The following ITPR3 variants were observed in gnomAD, a reference collection of about 807,000 sequenced individuals.
ITPR3 encodes inositol 1,4,5-trisphosphate receptor type 3.
A neutral mutation model predicts 293.2 loss-of-function variants in ITPR3; 173 were observed. That is an observed-to-expected ratio of 0.59 (90% CI 0.52 to 0.67). The LOEUF is 0.67. ITPR3 is among the 30% of genes least tolerant of loss of function. The pLI is 0.00. For synonymous variants in ITPR3, 1,295 were observed against 1,444.4 expected, an observed-to-expected ratio of 0.90 and a Z score of 2.35; for missense variants, 2,796 against 3,592.1, an observed-to-expected ratio of 0.78 and a Z score of 5.66.
chr6:33,695,239 G>T, intron 57 of ITPR3, 154 bp downstream of exon 57: 1 of 800,954 alleles, frequency 1.2e-6, no homozygotes, highest in Non-Finnish European at 1.9e-6. Context: ...TCCCCTGCAT[G>T]GCAAGTCAGA....
rs1765271897 is a variant in ITPR3 at position 33,687,662 on chromosome 6, A to G, written c.6264+98A>G. ...GGCCTGGAACAGAGTGAGGCCCTAG[A>G]ATATGAGCCAGGCTAGAATTTGGGG... On this transcript the variant is annotated intron_variant, in intron 46 of 57. Transcript: ENST00000605930. The surrounding 1 kb of genome is among the most constrained non-coding windows in gnomAD (Gnocchi z 5.3). The G allele has an allele frequency of 5.2e-6, 5 of 963,696 alleles. No homozygotes were observed. The highest frequency in any genetic ancestry group is 4.3e-5 in the Admixed American group (2 of 46,534). 59.7% of individuals were successfully genotyped at this position (963,696 alleles called of 1,614,324 possible).
chr6:33,650,567 C>T (rs77439508), intron 2 of ITPR3, among the ~76,000 whole-genome samples: 2,173 of 152,222 alleles, frequency 0.014, 52 homozygotes, highest in African/African-American at 0.048. Context: ...CAGCCATCAT[C>T]GACAGAAATG....
Position 33,662,694 on chromosome 6 carries a change from T to G in ITPR3, c.858+20T>G, listed in dbSNP as rs759786355. 3.1e-6 allele frequency: 5 copies of G among 1,603,284 alleles called. No individual in the cohort carries two copies. The South Asian group carries it at 4.4e-5, about 14-fold the overall frequency. On this transcript the variant is annotated intron_variant, in intron 8 of 57. Coordinates refer to ENST00000605930, the MANE Select transcript of ITPR3 (RefSeq NM_002224.4). ...GTGGAGGTCAGAAAAGCCCTGCTTC[T>G]GGCACCCCGGACTCAGCCTTGGATG...
At chr6:33,678,937 G>A (rs1764992867) in intron 30 of ITPR3, 98 bp downstream of exon 30, 3 of 1,210,406 alleles carry the variant, frequency 2.5e-6, no homozygotes, top group Non-Finnish European at 3.5e-6. Flanking sequence ...TCAGACGGTG[G>A]GTCACAAAAG....
chr6:33,635,865 CG>C (rs1763809399), intron 1 of ITPR3, among the ~76,000 whole-genome samples: 1 of 151,588 alleles, frequency 6.6e-6, no homozygotes, highest in African/African-American at 2.4e-5. Flanking sequence ...GGAGGAGATG[CG>C]ATCAGAGATG....
Position 33,667,561 on chromosome 6 carries a change from A to T in ITPR3, c.1714-231A>T, listed in dbSNP as rs1488175695. Reference sequence around the variant, plus strand: ...TTATGTAGCCAATCCTTCCACACAAACAAGGTCCCTGCCCTCGTGGAGGTT... The same window carrying T: ...TTATGTAGCCAATCCTTCCACACAATCAAGGTCCCTGCCCTCGTGGAGGTT... On this transcript the variant is annotated intron_variant, in intron 15 of 57. Coordinates refer to ENST00000605930, the MANE Select transcript of ITPR3 (RefSeq NM_002224.4). The surrounding 1 kb of genome is among the most constrained non-coding windows in gnomAD (Gnocchi z 4.4). Among the ~76,000 whole-genome samples the T allele has an allele frequency of 6.6e-6, 1 of 152,116 alleles. No homozygotes were observed. Among genetic ancestry groups the T allele is most frequent in the African/African-American group, 2.4e-5 (1 of 41,414 alleles).
intron 2 of ITPR3, among the ~76,000 whole-genome samples, chr6:33,640,829 C>T (rs1321886786): frequency 6.6e-6 from 1 of 152,260 alleles, no homozygotes; most frequent in African/African-American, 2.4e-5. Context: ...AAAATCCCCA[C>T]AGCCACAGGG....
chr6:33,671,076 A>C (rs951894537), intron 20 of ITPR3, 89 bp from the exon 21 acceptor site: 15 of 1,565,294 alleles, frequency 9.6e-6, no homozygotes, highest in Admixed American at 1.8e-5. Flanking sequence ...CTTTCGCCCT[A>C]GTTTCCCCAG....
Position 33,664,949 on chromosome 6 carries a change from GA to G in ITPR3, c.1229del (p.Glu410GlyfsTer99). 3.1e-6 allele frequency: 5 copies of G among 1,613,906 alleles called. No individual in the cohort carries two copies. The highest frequency in any genetic ancestry group is 4.2e-6 in the Non-Finnish European group (5 of 1,179,976). On this transcript the variant is annotated frameshift_variant, in exon 12 of 58. Transcript: ENST00000605930. LOFTEE classifies it high-confidence loss of function. This position sits in a 1 kb window ranked among gnomAD's most constrained non-coding sequence, Gnocchi z 4.4. ...STNVPIDIEE[E>X]RPIRLMLGTC... ...CAATGTGCCCATTGACATCGAGGAG[GA>G]GCGGCCCATCCGGCTCATGGTGCGT... is the stretch of plus-strand genomic sequence containing the variant.
At position 33,664,667 on chromosome 6, in the gene ITPR3, G is replaced by A. The variant is rs912236986; in HGVS notation, c.1149-203G>A. On this transcript the variant is annotated intron_variant, in intron 11 of 57. Transcript: ENST00000605930. The surrounding 1 kb of genome is among the most constrained non-coding windows in gnomAD (Gnocchi z 4.4). ...GTGTCAGTGCAGTGGTCAGGACGGG[G>A]CCTGGGCGCAGGGCTAGCTCTGGCT... Among the ~76,000 whole-genome samples the A allele has an allele frequency of 1.3e-5, 2 of 152,166 alleles. No individual in the cohort carries two copies. The highest frequency in any genetic ancestry group is 4.8e-5 in the African/African-American group (2 of 41,446).
Position 33,677,009 on chromosome 6 carries a change from T to A in ITPR3, c.3448-6T>A. On this transcript the variant is annotated splice_region_variant and splice_polypyrimidine_tract_variant and intron_variant, in intron 26 of 57. Transcript: ENST00000605930. ...TGGCTGATCTCCTTCCTCTCTCTGC[T>A]TTCAGCGTCCCACGGACGAGGAGGG... 1.2e-6 allele frequency: 2 copies of A among 1,614,164 alleles called. No homozygotes were observed. Among genetic ancestry groups the A allele is most frequent in the Non-Finnish European group, 1.7e-6 (2 of 1,180,002 alleles).
At chr6:33,635,936 A>T (rs996081762) in intron 1 of ITPR3, among the ~76,000 whole-genome samples, 1 of 151,668 alleles carries the variant, frequency 6.6e-6, no homozygotes, top group Non-Finnish European at 1.5e-5. Flanking sequence ...TTATTCTGAG[A>T]TGGGTGGTTC....
chr6:33,665,020 T>TCTGGG, intron 12 of ITPR3, 33 bp from the exon 13 acceptor site: 3 of 1,613,560 alleles, frequency 1.9e-6, no homozygotes, highest in Non-Finnish European at 2.5e-6. Context: ...CGGAGCTTGT[T>TCTGGG]CCCAGGTGCC....
rs1010604099 is a variant in ITPR3 at position 33,682,448 on chromosome 6, G to C, written c.4477-76G>C. 6.9e-7 allele frequency: 1 copy of C among 1,447,972 alleles called. No homozygotes were observed. Among genetic ancestry groups the C allele is most frequent in the African/African-American group, 1.5e-5 (1 of 67,826 alleles). The allele number at this position is 1,447,972 out of a possible 1,614,324, so 89.7% of individuals were successfully genotyped here. A position where few individuals can be genotyped will look rare whatever the true frequency, so the allele number is the denominator to read the frequency against. On this transcript the variant is annotated intron_variant, in intron 33 of 57. Coordinates refer to ENST00000605930, the MANE Select transcript of ITPR3 (RefSeq NM_002224.4). The surrounding 1 kb of genome is among the most constrained non-coding windows in gnomAD (Gnocchi z 5.4). ...TCTCCACCCATGCCCATTCTGATTGGGCCCTGGTTCCTGGACCTGGGGTTG... is the reference window on the plus strand; with the variant it reads ...TCTCCACCCATGCCCATTCTGATTGCGCCCTGGTTCCTGGACCTGGGGTTG...
intron 6 of ITPR3, 82 bp from the exon 7 acceptor site, chr6:33,659,384 C>T (rs1764397608): frequency 1.6e-6 from 2 of 1,277,884 alleles, no homozygotes; most frequent in Admixed American, 3.7e-5. Flanking sequence ...GGTGGCTGGG[C>T]TGCTTCTTCC....
chr6:33,632,076 T>C lies in ITPR3; in HGVS notation c.90-8408T>C, dbSNP rs1763697151. On this transcript the variant is annotated intron_variant, in intron 1 of 57. Transcript: ENST00000605930. The surrounding 1 kb of genome is among the most constrained non-coding windows in gnomAD (Gnocchi z 4.1). Reference sequence around the variant, plus strand: ...CAGTTTGTGCCTTCAGTCTCTTGCCTTGGCACCTGGGTAATCCTCCACCCA... The same window carrying C: ...CAGTTTGTGCCTTCAGTCTCTTGCCCTGGCACCTGGGTAATCCTCCACCCA... 6.6e-6 allele frequency among the ~76,000 whole-genome samples: 1 copy of C among 152,208 alleles called. No individual in the cohort carries two copies. The highest frequency in any genetic ancestry group is 1.5e-5 in the Non-Finnish European group (1 of 68,032).
At position 33,669,087 on chromosome 6, in the gene ITPR3, G is replaced by C; in HGVS notation, c.2120G>C (p.Ser707Thr). The C allele has an allele frequency of 1.2e-6, 2 of 1,614,202 alleles. No individual in the cohort carries two copies. The highest frequency in any genetic ancestry group is 1.7e-4 in the Middle Eastern group (1 of 6,060). ...TDKNNEHHEK[S>T]VRQLAQEARA... is the part of the protein sequence containing the mutation. ...AAGAATAACGAGCATCATGAGAAGAGTGTGAGGCAGCTGGCCCAGGAGGCG... is the reference window on the plus strand; with the variant it reads ...AAGAATAACGAGCATCATGAGAAGACTGTGAGGCAGCTGGCCCAGGAGGCG... Residue 707 changes from serine to threonine, a missense_variant, in exon 18 of 58, where the codon AGT becomes ACT. Ser to Thr is a moderately conservative substitution (Grantham distance 58). Coordinates refer to ENST00000605930, the MANE Select transcript of ITPR3 (RefSeq NM_002224.4).
rs144715726 is a variant in ITPR3, at chr6:33,684,721, C to T, written c.5137+33C>T. 69 of 1,611,746 alleles carry T rather than the reference C, an allele frequency of 4.3e-5. No individual in the cohort carries two copies. In the East Asian group the frequency reaches 6.7e-4, roughly 16 times the overall value. On this transcript the variant is annotated intron_variant, in intron 38 of 57. Coordinates refer to ENST00000605930, the MANE Select transcript of ITPR3 (RefSeq NM_002224.4). This position sits in a 1 kb window ranked among gnomAD's most constrained non-coding sequence, Gnocchi z 4.2. The stretch of plus-strand genomic sequence containing the variant: ...TCACCTTCCCCTGCCCCCGGGCCCT[C>T]CCTTCCACTCTCCTGTCACACCAGC...
At chr6:33,662,486 G>GA in intron 7 of ITPR3, 42 bp from the exon 8 acceptor site, 5 of 1,541,200 alleles carry the variant, frequency 3.2e-6, no homozygotes, top group Non-Finnish European at 4.4e-6. Flanking sequence ...CTTGAGCCTG[G>GA]AGGGGCCGCA....
Sources: gnomAD v4.1 joint callset for allele counts (sites outside exome capture counted in the v4.1 genomes callset) on GRCh38, gnomAD v4.1.1 for gene constraint, Gnocchi (gnomAD v3.1) non-coding constraint, MANE v1.5 for transcripts, NCBI Gene and HGNC (gene_info 2026-07-23, HGNC 2026-07-21) for gene names.